Variants in ZNF787 observed in about 807,000 individuals in gnomAD.
The protein encoded by ZNF787 is zinc finger protein 787.
In ZNF787, 7 loss-of-function variants were observed where a neutral mutation model predicts 16.9. The observed-to-expected ratio is 0.42, with a 90% CI of 0.24 to 0.78. The LOEUF (loss-of-function observed/expected upper bound fraction) is 0.78. Ranked by LOEUF, ZNF787 falls within the 30% of genes least tolerant of loss-of-function variation. The pLI, the probability that ZNF787 is intolerant of heterozygous loss-of-function variation, is 0.30. For missense variants in ZNF787, 551 were observed against 589.3 expected (o/e 0.94, Z 0.67); for synonymous variants, 345 against 270.9 (o/e 1.27, Z -2.69).
chr19:56,107,375 G>A (rs1364086992), intron 1 of ZNF787, among the ~76,000 whole-genome samples: 1 of 152,194 alleles, frequency 6.6e-6, no homozygotes, highest in African/African-American at 2.4e-5. Flanking sequence ...TGAAGGCCGC[G>A]CTCTCCAGGG....
chr19:56,098,158 C>T (rs549056607), intron 2 of ZNF787, among the ~76,000 whole-genome samples: 1 of 152,326 alleles, frequency 6.6e-6, no homozygotes, highest in South Asian at 2.1e-4. Context: ...CTCCCCACAA[C>T]AGCCACAGAA....
At chr19:56,090,888 C>T (rs745851616) in intron 2 of ZNF787, among the ~76,000 whole-genome samples, 5 of 152,316 alleles carry the variant, frequency 3.3e-5, no homozygotes, top group Admixed American at 6.5e-5. Flanking sequence ...AGTGCCGGGC[C>T]GGGCCTGTGC....
chr19:56,089,113 G>C (rs1985472969), intron 2 of ZNF787, 21 bp from the exon 3 acceptor site: 3 of 1,441,724 alleles, frequency 2.1e-6, no homozygotes, highest in African/African-American at 2.9e-5. Flanking sequence ...AGAGGGTAGG[G>C]GGAGGTGAGT....
chr19:56,088,099 C>G lies in ZNF787; in HGVS notation c.1073G>C (p.Gly358Ala), dbSNP rs1985396940. The part of the protein sequence containing the change: ...SSCGQSYYRA[G>A]GEEEDDDDEA... ...GTCGTCGTCGTCCTCCTCCTCCCCGCCCGCGCGGTAGTAGCTCTGTCCGCA... is the reference window on the plus strand; with the variant it reads ...GTCGTCGTCGTCCTCCTCCTCCCCGGCCGCGCGGTAGTAGCTCTGTCCGCA... Residue 358 changes from glycine (G) to alanine (A), a missense_variant, in exon 3 of 3, where the codon GGC (glycine) becomes GCC (alanine). Gly to Ala is a moderately conservative substitution (Grantham distance 60). Around this residue, in one of 4 missense-constraint regions of ZNF787, gnomAD observed 392 missense variants for 312.7 expected, o/e 1.25. Coordinates refer to ENST00000610935, the MANE Select transcript of ZNF787 (RefSeq NM_001002836.4). The surrounding 1 kb of genome is among the most constrained non-coding windows in gnomAD (Gnocchi z 8.6). 1 of 1,523,664 alleles carries G rather than the reference C, an allele frequency of 6.6e-7. No homozygotes were observed. The highest frequency in any genetic ancestry group is 8.7e-7 in the Non-Finnish European group (1 of 1,143,318). 94.4% of individuals were successfully genotyped at this position (1,523,664 alleles called of 1,614,324 possible).
chr19:56,110,644 T>C (rs1053178551), intron 1 of ZNF787, among the ~76,000 whole-genome samples: 1 of 152,156 alleles, frequency 6.6e-6, no homozygotes, highest in African/African-American at 2.4e-5. Flanking sequence ...GTGGTGATAA[T>C]GTACTTCCAG....
At chr19:56,090,559 C>T (rs372055632) in intron 2 of ZNF787, among the ~76,000 whole-genome samples, 28 of 152,112 alleles carry the variant, frequency 1.8e-4, no homozygotes, top group Middle Eastern at 3.4e-3. Flanking sequence ...CGGTGGCTCA[C>T]GCCTGTAATC....
chr19:56,115,354 C>CTTT lies in ZNF787; in HGVS notation c.-11+5815_-11+5817dup, dbSNP rs543989293. ...CGGCCGCGGCACGTTGATTTCGCTG[C>CTTT]TTTTTTTTTTTTTTTTTTTTTTGAG... On this transcript the variant is annotated intron_variant, in intron 1 of 2. Transcript: ENST00000610935. 2.0e-3 allele frequency among the ~76,000 whole-genome samples: 221 copies of CTTT among 113,146 alleles called. 5 individuals carry two copies. Among genetic ancestry groups the CTTT allele is most frequent in the Middle Eastern group, 5.4e-3 (1 of 184 alleles). 74.2% of individuals were successfully genotyped at this position (113,146 alleles called of 152,430 possible). A position where few individuals can be genotyped will look rare whatever the true frequency, so the allele number is the denominator to read the frequency against.
intron 1 of ZNF787, among the ~76,000 whole-genome samples, chr19:56,106,701 T>C (rs1489655233): frequency 1.7e-5 from 1 of 60,350 alleles, no homozygotes; most frequent in East Asian, 4.0e-4. Context: ...CGAGGCCCCC[T>C]TGGGCTGAAT....
rs1411440811 is a variant in ZNF787 at position 56,088,342 on chromosome 19, G to A, written c.830C>T (p.Pro277Leu). The change falls in exon 3 of 3, where the codon CCC becomes CTC. Residue 277 changes from proline to leucine, a missense_variant. Transcript: ENST00000610935. The surrounding 1 kb of genome is among the most constrained non-coding windows in gnomAD (Gnocchi z 8.6). ...GCACTCCAGACACACGTACGGCTTGGGGGCCGGGGCGCGCCGCGACCGGGG... is the reference window on the plus strand; with the variant it reads ...GCACTCCAGACACACGTACGGCTTGAGGGCCGGGGCGCGCCGCGACCGGGG... ...AGPRSRRAPA[P>L]KPYVCLECGK... The A allele has an allele frequency of 8.4e-6, 10 of 1,193,368 alleles. No homozygotes were observed. Among genetic ancestry groups the A allele is most frequent in the Non-Finnish European group, 1.0e-5 (10 of 960,470 alleles). 73.9% of individuals were successfully genotyped at this position (1,193,368 alleles called of 1,614,324 possible).
At chr19:56,108,370 C>T (rs1351720364) in intron 1 of ZNF787, among the ~76,000 whole-genome samples, 2 of 141,586 alleles carry the variant, frequency 1.4e-5, no homozygotes, top group Non-Finnish European at 3.0e-5. Context: ...CCAGCACTCC[C>T]TGGCTCCCTC....
chr19:56,100,931 C>G, intron 2 of ZNF787, among the ~76,000 whole-genome samples: 1 of 136,366 alleles, frequency 7.3e-6, no homozygotes, highest in Non-Finnish European at 1.6e-5. Context: ...TCCACCCCCA[C>G]GAACGATGTC....
chr19:56,087,712 C>T lies in ZNF787; in HGVS notation c.*311G>A, dbSNP rs1280664934. The T allele has an allele frequency of 4.1e-6, 1 of 241,892 alleles. No homozygotes were observed. The highest frequency in any genetic ancestry group is 5.7e-5 in the Admixed American group (1 of 17,494). 15.0% of individuals were successfully genotyped at this position (241,892 alleles called of 1,614,324 possible). A position where few individuals can be genotyped will look rare whatever the true frequency, so the allele number is the denominator to read the frequency against. On this transcript the variant is annotated 3_prime_UTR_variant, in exon 3 of 3. Transcript: ENST00000610935. ...ACTGAGGAAGAGCAGGGAAAATGGC[C>T]TTCCGCTTGGGGCCTGGTCGCCACT...
At position 56,120,082 on chromosome 19, in the gene ZNF787, CA is replaced by C. The variant is rs541240646; in HGVS notation, c.-11+1089del. Among the ~76,000 whole-genome samples the C allele has an allele frequency of 5.6e-3, 849 of 152,354 alleles. 4 individuals carry two copies. Among genetic ancestry groups the C allele is most frequent in the Middle Eastern group, 0.01 (3 of 294 alleles). On this transcript the variant is annotated intron_variant, in intron 1 of 2. Transcript: ENST00000610935. ...TCCCACAGCCCCCAGACCTCTCCATCAGGGGTCTGGTCACCTTGGATGGCGA... is the reference window on the plus strand; with the variant it reads ...TCCCACAGCCCCCAGACCTCTCCATCGGGGTCTGGTCACCTTGGATGGCGA...
intron 2 of ZNF787, chr19:56,102,014 C>T (rs1330974220): frequency 6.6e-6 from 1 of 152,228 alleles, no homozygotes; most frequent in African/African-American, 2.4e-5. Flanking sequence ...AGTTTCTACC[C>T]CGGGACCAAG....
At chr19:56,091,406 CAG>C (rs950493621) in intron 2 of ZNF787, among the ~76,000 whole-genome samples, 5 of 152,186 alleles carry the variant, frequency 3.3e-5, no homozygotes, top group African/African-American at 1.2e-4. Flanking sequence ...GCAGCTAAGA[CAG>C]GGGCACTGGG....
chr19:56,088,446 G>T lies in ZNF787; in HGVS notation c.726C>A (p.Gly242=). Residue 242 remains glycine (G), a synonymous_variant, in exon 3 of 3, where the codon GGC becomes GGA. Coordinates refer to ENST00000610935, the MANE Select transcript of ZNF787 (RefSeq NM_001002836.4). The surrounding 1 kb of genome is among the most constrained non-coding windows in gnomAD (Gnocchi z 8.6). The part of the protein sequence containing the change: ...EIAIPVGDGE[G]IIVVGAPGEG... ...CGCCCGGCGCGCCCACCACGATGAT[G>T]CCCTCGCCATCGCCCACGGGGATGG... 1 of 1,264,382 alleles carries T rather than the reference G, an allele frequency of 7.9e-7. No individual in the cohort carries two copies. Among genetic ancestry groups the T allele is most frequent in the South Asian group, 2.1e-5 (1 of 47,286 alleles). The allele number at this position is 1,264,382 out of a possible 1,614,324, so 78.3% of individuals were successfully genotyped here. A position where few individuals can be genotyped will look rare whatever the true frequency, so the allele number is the denominator to read the frequency against.
At chr19:56,119,243 C>T (rs1226476238) in intron 1 of ZNF787, among the ~76,000 whole-genome samples, 7 of 152,218 alleles carry the variant, frequency 4.6e-5, no homozygotes, top group Non-Finnish European at 8.8e-5. Context: ...CCATGTGTGA[C>T]CTCATGCCCA....
At chr19:56,094,266 A>G (rs1190704482) in intron 2 of ZNF787, among the ~76,000 whole-genome samples, 1 of 145,402 alleles carries the variant, frequency 6.9e-6, no homozygotes, top group African/African-American at 2.6e-5. Flanking sequence ...CTCTGCCCTC[A>G]AGTGATCCAC....
chr19:56,118,698 G>A (rs1487837509), intron 1 of ZNF787, among the ~76,000 whole-genome samples: 2 of 152,158 alleles, frequency 1.3e-5, no homozygotes, highest in Non-Finnish European at 2.9e-5. Flanking sequence ...CACCACAGAG[G>A]CCCCAGCACC....
Sources: gnomAD v4.1 joint callset for allele counts (sites outside exome capture counted in the v4.1 genomes callset) on GRCh38, gnomAD v4.1.1 for gene constraint, gnomAD v4.1.1 regional missense constraint, Gnocchi (gnomAD v3.1) non-coding constraint, MANE v1.5 for transcripts, NCBI Gene and HGNC (gene_info 2026-07-23, HGNC 2026-07-21) for gene names.